IKZF3: variants seen among roughly 807,000 people sequenced by gnomAD.
The protein encoded by IKZF3 is IKAROS family zinc finger 3, also known as zinc finger protein Aiolos.
IKZF3 carries 10 observed loss-of-function variants against 49.0 expected under a neutral mutation model. The ratio of observed to expected loss-of-function variants is 0.20; its 90% CI spans 0.13 to 0.35. The LOEUF (loss-of-function observed/expected upper bound fraction) is 0.35. IKZF3 is among the 10% of genes least tolerant of loss of function. The probability of loss-of-function intolerance (pLI) is 1.00; values close to 1 mark genes in which losing one functional copy is unlikely to be tolerated. For missense variants in IKZF3, 498 were observed against 664.8 expected (o/e 0.75, Z 2.76); for synonymous variants, 209 against 228.2 (o/e 0.92, Z 0.76).
chr17:39,823,397 A>G (rs985459702), intron 3 of IKZF3, among the ~76,000 whole-genome samples: 1 of 152,168 alleles, frequency 6.6e-6, no homozygotes, highest in African/African-American at 2.4e-5. Flanking sequence ...AGTTTGGAAA[A>G]TTTGCAGCCT....
At chr17:39,847,351 C>T (rs2062664745) in intron 1 of IKZF3, among the ~76,000 whole-genome samples, 1 of 152,190 alleles carries the variant, frequency 6.6e-6, no homozygotes, top group Non-Finnish European at 1.5e-5. Context: ...TCTCCTTCCT[C>T]TGCCATCTGA....
At chr17:39,851,979 A>G (rs1026707592) in intron 1 of IKZF3, among the ~76,000 whole-genome samples, 4 of 152,148 alleles carry the variant, frequency 2.6e-5, no homozygotes, top group Non-Finnish European at 4.4e-5. Flanking sequence ...CACTCACTGA[A>G]TGGGCTCCAT....
At chr17:39,829,304 C>T (rs567893670) in intron 3 of IKZF3, 83 bp downstream of exon 3, 3 of 908,152 alleles carry the variant, frequency 3.3e-6, no homozygotes, top group African/African-American at 3.3e-5. Flanking sequence ...TGCAAGTTTT[C>T]CTTGGAGAGC....
intron 3 of IKZF3, among the ~76,000 whole-genome samples, chr17:39,819,571 T>C (rs1368497941): frequency 6.6e-6 from 1 of 152,256 alleles, no homozygotes; most frequent in Non-Finnish European, 1.5e-5. Context: ...ACAGCTGGAA[T>C]GTTAGTTGAA....
chr17:39,850,973 ATATATTATATATGTG>A (rs1568065768), intron 1 of IKZF3, among the ~76,000 whole-genome samples: 1 of 142,730 alleles, frequency 7.0e-6, no homozygotes, highest in African/African-American at 2.6e-5. Context: ...ATATACGTGT[ATATATTATATATGTG>A]TATATTATAT....
chr17:39,847,800 A>G (rs1045592634), intron 1 of IKZF3, among the ~76,000 whole-genome samples: 2 of 152,238 alleles, frequency 1.3e-5, no homozygotes, highest in African/African-American at 4.8e-5. Context: ...AAAAACATAA[A>G]GGCCAGTAAT....
chr17:39,777,156 A>T (rs572458856), intron 7 of IKZF3, among the ~76,000 whole-genome samples: 171 of 152,362 alleles, frequency 1.1e-3, no homozygotes, highest in African/African-American at 3.2e-3. Context: ...GATTAAATCA[A>T]ACCTTGTTAT....
intron 1 of IKZF3, among the ~76,000 whole-genome samples, chr17:39,848,401 T>C (rs777382985): frequency 1.4e-4 from 22 of 152,236 alleles, no homozygotes; most frequent in Non-Finnish European, 2.6e-4. Context: ...GTATATCACA[T>C]GCTACCAAAT....
intron 1 of IKZF3, among the ~76,000 whole-genome samples, chr17:39,858,877 TGAAGC>T (rs917676047): frequency 1.3e-5 from 2 of 152,000 alleles, no homozygotes; most frequent in African/African-American, 4.8e-5. Context: ...TACAGCCCAC[TGAAGC>T]CTCAAACTCC....
chr17:39,828,178 C>A (rs1372299714), intron 3 of IKZF3, among the ~76,000 whole-genome samples: 1 of 152,126 alleles, frequency 6.6e-6, no homozygotes, highest in Non-Finnish European at 1.5e-5. Context: ...AGCTTTAAAC[C>A]TTTATGTCAG....
chr17:39,830,706 AT>A (rs577927874), intron 2 of IKZF3, among the ~76,000 whole-genome samples: 45 of 152,390 alleles, frequency 3.0e-4, no homozygotes, highest in South Asian at 1.0e-3. Flanking sequence ...CCAATCTTCA[AT>A]AAAATATTTG....
At chr17:39,796,985 A>G (rs958336765) in intron 3 of IKZF3, among the ~76,000 whole-genome samples, 17 of 151,342 alleles carry the variant, frequency 1.1e-4, no homozygotes, top group African/African-American at 3.9e-4. Flanking sequence ...TAACATGGTG[A>G]AACCCCATCT....
At chr17:39,778,299 T>A in intron 6 of IKZF3, 1 of 499,248 alleles carries the variant, frequency 2.0e-6, no homozygotes, top group Middle Eastern at 1.0e-3. Context: ...GTTTCTTTCT[T>A]TTTCTTTTTC....
At chr17:39,830,987 T>G (rs916848941) in intron 2 of IKZF3, among the ~76,000 whole-genome samples, 7 of 152,224 alleles carry the variant, frequency 4.6e-5, no homozygotes, top group African/African-American at 1.7e-4. Context: ...CTCTGTGAAC[T>G]CTAAGATACC....
intron 3 of IKZF3, among the ~76,000 whole-genome samples, chr17:39,805,102 T>C (rs1235876896): frequency 1.3e-5 from 2 of 152,220 alleles, no homozygotes; most frequent in African/African-American, 2.4e-5. Context: ...ATATTCCCCG[T>C]TGTCCTCTCT....
At chr17:39,827,074 T>A (rs1291872753) in intron 3 of IKZF3, among the ~76,000 whole-genome samples, 1 of 152,148 alleles carries the variant, frequency 6.6e-6, no homozygotes, top group Non-Finnish European at 1.5e-5. Context: ...CTTGGCTCAC[T>A]GCAACTTCTG....
chr17:39,815,284 C>A (rs981385339), intron 3 of IKZF3, among the ~76,000 whole-genome samples: 18 of 152,322 alleles, frequency 1.2e-4, no homozygotes, highest in African/African-American at 4.1e-4. Context: ...GTCGTTCAGG[C>A]CTTAAGGCCA....
chr17:39,778,956 C>G (rs2060659290), intron 6 of IKZF3, among the ~76,000 whole-genome samples: 1 of 152,180 alleles, frequency 6.6e-6, no homozygotes, highest in South Asian at 2.1e-4. Flanking sequence ...TATGCCCAGG[C>G]CCCCCTTCAG....
chr17:39,765,780 G>A lies in IKZF3; in HGVS notation c.*10C>T, dbSNP rs1463896345. ...CTGAATACATAGGAGCAATCCCTGA[G>A]ACCAGATATTCACTTCAGCAGGGCT... On this transcript the variant is annotated 3_prime_UTR_variant, in exon 8 of 8. Transcript: ENST00000346872. The A allele has an allele frequency of 1.3e-6, 2 of 1,576,574 alleles. No individual in the cohort carries two copies. The highest frequency in any genetic ancestry group is 2.7e-5 in the African/African-American group (2 of 74,344).
Sources: allele counts gnomAD v4.1 joint callset (sites outside exome capture counted in the v4.1 genomes callset), GRCh38; gene constraint gnomAD v4.1.1; transcripts MANE v1.5; gene names NCBI Gene and HGNC (gene_info 2026-07-23, HGNC 2026-07-21).